Variants in SPATA16 observed in about 807,000 individuals in gnomAD.
SPATA16 encodes the protein spermatogenesis-associated protein 16.
Under a neutral mutation model 63.3 loss-of-function variants are expected in SPATA16, and 36 were observed. That is an observed-to-expected ratio of 0.57 (90% CI 0.44 to 0.75). SPATA16 has a LOEUF of 0.75. Among genes scored for constraint, SPATA16 ranks in the 30% least tolerant of loss-of-function variants. The pLI, the probability that SPATA16 is intolerant of heterozygous loss-of-function variation, is 0.00. For synonymous variants in SPATA16, 203 were observed against 216.7 expected (o/e 0.94, Z 0.56); for missense variants, 646 against 679.3 (o/e 0.95, Z 0.54).
At chr3:173,062,030 AGCTGT>A (rs1265904419) in intron 2 of SPATA16, among the ~76,000 whole-genome samples, 2 of 149,124 alleles carry the variant, frequency 1.3e-5, no homozygotes, top group Non-Finnish European at 3.0e-5. Flanking sequence ...TTGTTAAAAT[AGCTGT>A]GCTTCAACAT....
chr3:173,028,013 C>CCTT (rs1735498225), intron 3 of SPATA16, among the ~76,000 whole-genome samples: 4 of 35,038 alleles, frequency 1.1e-4, no homozygotes, highest in Admixed American at 1.1e-3. Flanking sequence ...CTCCCTCCCT[C>CCTT]CCTTCCTTCT....
chr3:173,093,665 T>C (rs752368177), intron 2 of SPATA16, among the ~76,000 whole-genome samples: 3 of 152,198 alleles, frequency 2.0e-5, no homozygotes, highest in Admixed American at 1.3e-4. Context: ...GCAGAAGTTA[T>C]GTATTTGAGA....
chr3:173,061,805 C>A (rs1421423332), intron 2 of SPATA16, among the ~76,000 whole-genome samples: 1 of 152,120 alleles, frequency 6.6e-6, no homozygotes, highest in Non-Finnish European at 1.5e-5. Flanking sequence ...TAAAGTGTCT[C>A]CCTGGGAGCG....
At chr3:173,037,071 T>C (rs1735729538) in intron 3 of SPATA16, among the ~76,000 whole-genome samples, 1 of 152,010 alleles carries the variant, frequency 6.6e-6, no homozygotes, top group Non-Finnish European at 1.5e-5. Flanking sequence ...TTTAAAAATA[T>C]GGTAAAATCC....
At chr3:173,124,629 C>T (rs538124929) in intron 1 of SPATA16, among the ~76,000 whole-genome samples, 44 of 152,312 alleles carry the variant, frequency 2.9e-4, no homozygotes, top group African/African-American at 1.1e-3. Context: ...ACAAAAAACT[C>T]CCTTGACTTT....
At chr3:172,988,180 A>G (rs886225707) in intron 4 of SPATA16, among the ~76,000 whole-genome samples, 1 of 152,182 alleles carries the variant, frequency 6.6e-6, no homozygotes, top group Non-Finnish European at 1.5e-5. Context: ...AAAGTATCTT[A>G]TACACTGTGG....
At chr3:172,973,179 T>G (rs1320201085) in intron 5 of SPATA16, among the ~76,000 whole-genome samples, 1 of 152,170 alleles carries the variant, frequency 6.6e-6, no homozygotes, top group Non-Finnish European at 1.5e-5. Flanking sequence ...AAAACCATAA[T>G]TTTCTGTAAA....
intron 10 of SPATA16, among the ~76,000 whole-genome samples, chr3:172,892,745 G>A (rs1400854850): frequency 1.3e-5 from 2 of 152,154 alleles, no homozygotes; most frequent in Admixed American, 1.3e-4. Flanking sequence ...AAAGAAATAT[G>A]TAAGTACACA....
At chr3:173,092,215 C>T (rs1737242714) in intron 2 of SPATA16, among the ~76,000 whole-genome samples, 1 of 152,150 alleles carries the variant, frequency 6.6e-6, no homozygotes, top group African/African-American at 2.4e-5. Flanking sequence ...CATCCATGAA[C>T]TCTGGCAAGC....
intron 4 of SPATA16, 88 bp downstream of exon 4, chr3:173,019,398 G>A (rs1735266171): frequency 9.2e-7 from 1 of 1,088,604 alleles, no homozygotes; most frequent in South Asian, 1.2e-5. Flanking sequence ...TGAGAGAAAT[G>A]GAGAGTTCTG....
intron 5 of SPATA16, among the ~76,000 whole-genome samples, chr3:172,969,455 C>T (rs1259726269): frequency 2.0e-5 from 3 of 152,116 alleles, no homozygotes; most frequent in Non-Finnish European, 4.4e-5. Context: ...GCTTTTGAGA[C>T]ATATGCCTGG....
chr3:172,975,926 A>G lies in SPATA16; in HGVS notation c.933+1042T>C, dbSNP rs1046063136. Among the ~76,000 whole-genome samples, 12 of 151,688 alleles carry G rather than the reference A, an allele frequency of 7.9e-5. No individual in the cohort carries two copies. The South Asian group carries it at 8.4e-4, about 11-fold the overall frequency. On this transcript the variant is annotated intron_variant, in intron 5 of 10. Transcript: ENST00000351008. ...GACATGGTAGTGAAAATGTGGGGGGAAAAAAAACAGGAAAAAAACAGGAAG... is the reference window on the plus strand; with the variant it reads ...GACATGGTAGTGAAAATGTGGGGGGGAAAAAAACAGGAAAAAAACAGGAAG...
At chr3:172,967,824 C>T (rs542504057) in intron 5 of SPATA16, among the ~76,000 whole-genome samples, 4 of 152,152 alleles carry the variant, frequency 2.6e-5, no homozygotes, top group East Asian at 1.9e-4. Context: ...CATCATCCCC[C>T]GATGGGACTG....
At chr3:173,089,139 G>A in intron 2 of SPATA16, among the ~76,000 whole-genome samples, 1 of 152,134 alleles carries the variant, frequency 6.6e-6, no homozygotes, top group East Asian at 1.9e-4. Flanking sequence ...TAAGAGATAG[G>A]TTCTCCAGAG....
At chr3:172,943,681 A>C (rs1733213443) in intron 6 of SPATA16, among the ~76,000 whole-genome samples, 1 of 152,220 alleles carries the variant, frequency 6.6e-6, no homozygotes, top group African/African-American at 2.4e-5. Context: ...CAGAGGTTGC[A>C]GTGAGCCAAG....
intron 3 of SPATA16, among the ~76,000 whole-genome samples, chr3:173,021,702 G>C (rs922863156): frequency 6.6e-6 from 1 of 150,668 alleles, no homozygotes; most frequent in African/African-American, 2.4e-5. Flanking sequence ...CCACAGGATA[G>C]GTAATTCTTC....
At chr3:173,046,290 G>A (rs1454481811) in intron 3 of SPATA16, among the ~76,000 whole-genome samples, 1 of 151,888 alleles carries the variant, frequency 6.6e-6, no homozygotes, top group South Asian at 2.1e-4. Flanking sequence ...ATGCCACTTC[G>A]GATATGTTAT....
chr3:173,034,007 G>C (rs1735662035), intron 3 of SPATA16, among the ~76,000 whole-genome samples: 1 of 152,056 alleles, frequency 6.6e-6, no homozygotes, highest in Non-Finnish European at 1.5e-5. Flanking sequence ...GCCTGGCTGA[G>C]ATGTATTTTA....
At chr3:172,967,477 A>C (rs1287055957) in intron 5 of SPATA16, among the ~76,000 whole-genome samples, 1 of 152,154 alleles carries the variant, frequency 6.6e-6, no homozygotes, top group Non-Finnish European at 1.5e-5. Context: ...TTTTTAGTTT[A>C]TTTATATGTT....
Sources: gnomAD v4.1 joint callset for allele counts (sites outside exome capture counted in the v4.1 genomes callset) on GRCh38, gnomAD v4.1.1 for gene constraint, MANE v1.5 for transcripts, NCBI Gene and HGNC (gene_info 2026-07-23, HGNC 2026-07-21) for gene names.